Variants in PJA2 observed in about 807,000 individuals in gnomAD.
PJA2 encodes E3 ubiquitin-protein ligase Praja-2.
A neutral mutation model predicts 69.3 loss-of-function variants in PJA2; 25 were observed. The observed-to-expected ratio is 0.36, with a 90% CI of 0.26 to 0.50. The LOEUF is 0.50. PJA2 is among the 20% of genes least tolerant of loss of function. PJA2 has a pLI of 0.96. For synonymous variants in PJA2, 308 were observed against 277.8 expected (o/e 1.11, Z -1.08); for missense variants, 809 against 830.2 (o/e 0.97, Z 0.31).
At chr5:109,350,708 T>A (rs942871301) in intron 7 of PJA2, among the ~76,000 whole-genome samples, 9 of 152,180 alleles carry the variant, frequency 5.9e-5, no homozygotes, top group Non-Finnish European at 1.3e-4. Context: ...TCAGAGAAGT[T>A]AAGTGAATTG....
intron 9 of PJA2, among the ~76,000 whole-genome samples, chr5:109,341,568 G>A (rs1289628924): frequency 5.1e-4 from 59 of 116,786 alleles, no homozygotes; most frequent in African/African-American, 1.3e-3. Context: ...TCAGCCCCCC[G>A]CCCGGCCAGC....
chr5:109,380,275 T>A (rs998922140), intron 3 of PJA2, among the ~76,000 whole-genome samples: 7 of 151,908 alleles, frequency 4.6e-5, no homozygotes, highest in African/African-American at 1.2e-4. Flanking sequence ...TAATTCAGAT[T>A]CTTACATATG....
At chr5:109,356,061 C>A (rs778133651) in intron 6 of PJA2, 35 bp from the exon 7 acceptor site, 45 of 1,421,342 alleles carry the variant, frequency 3.2e-5, no homozygotes, top group Non-Finnish European at 3.2e-5. Context: ...AAAAACTCAC[C>A]ACTATGATTT....
chr5:109,401,783 C>A (rs923792217), intron 1 of PJA2, among the ~76,000 whole-genome samples: 6 of 152,170 alleles, frequency 3.9e-5, no homozygotes, highest in African/African-American at 1.4e-4. Flanking sequence ...AAAGAGGCCA[C>A]TATAACACAG....
chr5:109,368,462 AG>A (rs1762621549), intron 5 of PJA2, 98 bp downstream of exon 5: 1 of 1,099,314 alleles, frequency 9.1e-7, no homozygotes, highest in South Asian at 1.7e-5. Context: ...GTTCTACATA[AG>A]GCTTATAAAT....
intron 5 of PJA2, among the ~76,000 whole-genome samples, chr5:109,363,236 T>A (rs1762530131): frequency 6.6e-6 from 1 of 152,192 alleles, no homozygotes; most frequent in Non-Finnish European, 1.5e-5. Flanking sequence ...TAGTTCCTAA[T>A]TACATAGGAA....
intron 1 of PJA2, among the ~76,000 whole-genome samples, chr5:109,394,723 G>C (rs915375383): frequency 2.0e-5 from 3 of 151,978 alleles, no homozygotes; most frequent in Admixed American, 6.6e-5. Flanking sequence ...AATTATCCTG[G>C]GAAACCTAGG....
At chr5:109,354,319 A>G (rs1762359622) in intron 7 of PJA2, among the ~76,000 whole-genome samples, 1 of 145,564 alleles carries the variant, frequency 6.9e-6, no homozygotes, top group African/African-American at 2.6e-5. Flanking sequence ...TATAGATTAG[A>G]TATCTATGAT....
intron 9 of PJA2, among the ~76,000 whole-genome samples, chr5:109,342,564 G>A (rs1762092819): frequency 1.9e-5 from 2 of 105,498 alleles, no homozygotes; most frequent in Non-Finnish European, 2.0e-5. Flanking sequence ...GCCCCGTCCG[G>A]GAGGTGAGGG....
chr5:109,380,341 A>C (rs571817570), intron 3 of PJA2, among the ~76,000 whole-genome samples: 2 of 152,266 alleles, frequency 1.3e-5, no homozygotes, highest in South Asian at 4.1e-4. Context: ...AAGAGGAAGA[A>C]GACAAATCCA....
In PJA2 at chr5:109,379,021, C is replaced by G. The variant is rs1746971052; in HGVS notation, c.466G>C (p.Val156Leu). 1 of 1,614,106 alleles carries G rather than the reference C, an allele frequency of 6.2e-7. No homozygotes were observed. The highest frequency in any genetic ancestry group is 8.5e-7 in the Non-Finnish European group (1 of 1,180,008). Reference sequence around the variant, plus strand: ...TGAACCAATGCAATTCCATTTTGGACACTTGAAGCACTACAAGCTCCTGGA... The same window carrying G: ...TGAACCAATGCAATTCCATTTTGGAGACTTGAAGCACTACAAGCTCCTGGA... ...YIPGACSASS[V>L]QNGIALVHTD... The change falls in exon 4 of 10, where the codon GTC becomes CTC. Residue 156 changes from valine (V) to leucine (L), a missense_variant. Around this residue, in one of 4 missense-constraint regions of PJA2, gnomAD observed 700 missense variants for 639.5 expected, o/e 1.09. Coordinates refer to ENST00000361189, the MANE Select transcript of PJA2 (RefSeq NM_014819.5).
intron 4 of PJA2, among the ~76,000 whole-genome samples, chr5:109,369,014 C>T (rs566318937): frequency 4.5e-4 from 69 of 152,070 alleles, no homozygotes; most frequent in Non-Finnish European, 8.1e-4. Context: ...GTGGCACCTC[C>T]CCCCTCATTC....
chr5:109,379,511 T>C (rs1322493690), intron 3 of PJA2, among the ~76,000 whole-genome samples: 4 of 152,350 alleles, frequency 2.6e-5, no homozygotes, highest in Non-Finnish European at 5.9e-5. Context: ...AATCCTAATA[T>C]CTAATGCCTT....
chr5:109,382,060 A>C (rs1747062725), intron 2 of PJA2, among the ~76,000 whole-genome samples: 1 of 152,144 alleles, frequency 6.6e-6, no homozygotes, highest in Non-Finnish European at 1.5e-5. Context: ...TAAGTACCTT[A>C]TATATTATAT....
intron 7 of PJA2, among the ~76,000 whole-genome samples, chr5:109,352,935 T>TATATTA (rs1762282303): frequency 7.0e-6 from 1 of 142,544 alleles, no homozygotes; most frequent in African/African-American, 2.6e-5. Context: ...TAGACATCTA[T>TATATTA]GTATTAGATA....
At chr5:109,367,579 CA>C (rs1216165693) in intron 5 of PJA2, among the ~76,000 whole-genome samples, 14 of 151,270 alleles carry the variant, frequency 9.3e-5, no homozygotes, top group Non-Finnish European at 1.6e-4. Context: ...GATGCAAGGA[CA>C]AAAAAAGAAA....
rs112370879 is a variant in PJA2, at chr5:109,397,799, C to G, written c.-88+12043G>C. 7.6e-3 allele frequency among the ~76,000 whole-genome samples: 1,154 copies of G among 152,236 alleles called. 13 individuals carry two copies. The highest frequency in any genetic ancestry group is 0.026 in the African/African-American group (1,080 of 41,554). ...GTGGCCTCTCAAAATGCTGGGATTA[C>G]AGGCGTGAGCCACGGTGAACGGCCA... On this transcript the variant is annotated intron_variant, in intron 1 of 9. Coordinates refer to ENST00000361189, the MANE Select transcript of PJA2 (RefSeq NM_014819.5).
intron 9 of PJA2, among the ~76,000 whole-genome samples, chr5:109,341,409 A>G (rs1305497185): frequency 8.0e-6 from 1 of 125,670 alleles, no homozygotes; most frequent in Non-Finnish European, 1.7e-5. Context: ...CCGGGCAACC[A>G]CCCCGTCTGA....
At chr5:109,374,734 A>G (rs1746820277) in intron 4 of PJA2, among the ~76,000 whole-genome samples, 1 of 152,236 alleles carries the variant, frequency 6.6e-6, no homozygotes, top group South Asian at 2.1e-4. Flanking sequence ...GTTAAGTCCT[A>G]AGGCCACAAA....
Sources: allele counts gnomAD v4.1 joint callset (sites outside exome capture counted in the v4.1 genomes callset), GRCh38; gene constraint gnomAD v4.1.1; regional missense constraint gnomAD v4.1.1; transcripts MANE v1.5; gene names NCBI Gene and HGNC (gene_info 2026-07-23, HGNC 2026-07-21).